TRAPPC6A: variants seen among roughly 807,000 people sequenced by gnomAD.
TRAPPC6A encodes TRAPP complex subunit 6A.
A neutral mutation model predicts 20.8 loss-of-function variants in TRAPPC6A; 25 were observed. The observed-to-expected ratio is 1.20, with a 90% CI of 0.88 to 1.68. The LOEUF (loss-of-function observed/expected upper bound fraction) is 1.68. Ranked by LOEUF, TRAPPC6A falls within the 40% of genes most tolerant of loss-of-function variation. TRAPPC6A has a pLI of 0.00. For synonymous variants in TRAPPC6A, 96 were observed against 93.3 expected (o/e 1.03, Z -0.16); for missense variants, 215 against 211.6 (o/e 1.02, Z -0.10).
At position 45,165,226 on chromosome 19, in the gene TRAPPC6A, C is replaced by G. The variant is rs749433341; in HGVS notation, c.85-32G>C. The G allele has an allele frequency of 5.7e-6, 9 of 1,570,380 alleles. No homozygotes were observed. The Admixed American group carries it at 1.7e-4, about 29-fold the overall frequency. ...GGCCAGGGGAGAGATGCTCAGGGGC[C>G]CTTAGCCACCACGAACCCGGGGCCA... On this transcript the variant is annotated intron_variant, in intron 1 of 5. Coordinates refer to ENST00000585934, the MANE Select transcript of TRAPPC6A (RefSeq NM_001270891.2).
At chr19:45,168,898 G>T (rs1052961656) in intron 1 of TRAPPC6A, among the ~76,000 whole-genome samples, 8 of 152,304 alleles carry the variant, frequency 5.3e-5, no homozygotes, top group Non-Finnish European at 8.8e-5. Context: ...ATGGCGGGGG[G>T]GCCTGAGCTG....
chr19:45,166,803 C>T (rs1969163290), intron 1 of TRAPPC6A, among the ~76,000 whole-genome samples: 2 of 152,152 alleles, frequency 1.3e-5, no homozygotes, highest in South Asian at 2.1e-4. Context: ...TTGGGAATGG[C>T]AGCTACCGCC....
chr19:45,164,155 C>A lies in TRAPPC6A; in HGVS notation c.354+9G>T. On this transcript the variant is annotated intron_variant, in intron 4 of 5. Transcript: ENST00000585934. ...GGAGGTGTGGACAAGGCCCCAGCTC[C>A]CCCCATACCTTGGGTGCTTCCTCCA... 6.3e-7 allele frequency: 1 copy of A among 1,598,568 alleles called. No individual in the cohort carries two copies. The highest frequency in any genetic ancestry group is 8.5e-7 in the Non-Finnish European group (1 of 1,172,930).
At chr19:45,176,320 C>T (rs1969373559) in intron 1 of TRAPPC6A, among the ~76,000 whole-genome samples, 2 of 151,600 alleles carry the variant, frequency 1.3e-5, no homozygotes, top group Non-Finnish European at 1.5e-5. Context: ...CAAAATTAGC[C>T]GGGTGTGGTG....
rs368881012 is a variant in TRAPPC6A at position 45,178,209 on chromosome 19, T to C, written c.10A>G (p.Thr4Ala). ...GTGTGAAGAAACTCAAACAACACAG[T>C]ATCCGCCATGCCCCCTCCTCGCACG... MAD[T>A]VLFEFLHTEM... Residue 4 changes from threonine (T) to alanine (A), a missense_variant, in exon 1 of 6, where the codon ACT becomes GCT. By Grantham distance (58) the Thr-to-Ala change is moderately conservative. Coordinates refer to ENST00000585934, the MANE Select transcript of TRAPPC6A (RefSeq NM_001270891.2). The C allele has an allele frequency of 1.9e-6, 3 of 1,605,290 alleles. No individual in the cohort carries two copies. The highest frequency in any genetic ancestry group is 1.3e-5 in the African/African-American group (1 of 74,712).
intron 4 of TRAPPC6A, 28 bp from the exon 5 acceptor site, chr19:45,164,037 G>A (rs1969080205): frequency 6.4e-7 from 1 of 1,560,594 alleles, no homozygotes; most frequent in Non-Finnish European, 8.7e-7. Flanking sequence ...ACCAGCATGG[G>A]AAGAGAGGGG....
rs58504789 is a variant in TRAPPC6A at position 45,173,234 on chromosome 19, C to G, written c.84+4901G>C. The stretch of plus-strand genomic sequence containing the variant: ...GCTGCTTCCTCCAAGGGCTTCTCCT[C>G]CTTAGAGAACAAAGGCCTTCCTGGC... On this transcript the variant is annotated intron_variant, in intron 1 of 5. Coordinates refer to ENST00000585934, the MANE Select transcript of TRAPPC6A (RefSeq NM_001270891.2). This position sits in a 1 kb window ranked among gnomAD's most constrained non-coding sequence, Gnocchi z 4.8. 0.015 allele frequency among the ~76,000 whole-genome samples: 2,213 copies of G among 151,926 alleles called. 66 individuals are homozygous for G. Among genetic ancestry groups the G allele is most frequent in the African/African-American group, 0.048 (1,998 of 41,332 alleles).
chr19:45,175,118 G>A lies in TRAPPC6A; in HGVS notation c.84+3017C>T, dbSNP rs186802350. ...CTACTAAAAATACAAAAAATTAGCCGGGCGTGGTGGCAGTCACCTGTAGTC... is the reference window on the plus strand; with the variant it reads ...CTACTAAAAATACAAAAAATTAGCCAGGCGTGGTGGCAGTCACCTGTAGTC... On this transcript the variant is annotated intron_variant, in intron 1 of 5. Transcript: ENST00000585934. Among the ~76,000 whole-genome samples, 99 of 152,174 alleles carry A rather than the reference G, an allele frequency of 6.5e-4. 1 individual carries two copies. The highest frequency in any genetic ancestry group is 2.3e-3 in the African/African-American group (94 of 41,524).
At position 45,170,492 on chromosome 19, in the gene TRAPPC6A, G is replaced by A. The variant is rs189252535; in HGVS notation, c.85-5298C>T. ...GGTCACAGCCAGGACGGCAGCCCCCGGAGGGGTGAGCTGGGGGAGAGAGTC... is the reference window on the plus strand; with the variant it reads ...GGTCACAGCCAGGACGGCAGCCCCCAGAGGGGTGAGCTGGGGGAGAGAGTC... On this transcript the variant is annotated intron_variant, in intron 1 of 5. Coordinates refer to ENST00000585934, the MANE Select transcript of TRAPPC6A (RefSeq NM_001270891.2). 6.0e-4 allele frequency among the ~76,000 whole-genome samples: 91 copies of A among 152,350 alleles called. No homozygotes were observed. In the East Asian group the frequency reaches 0.013, roughly 21 times the overall value.
Position 45,173,060 on chromosome 19 carries a change from C to T in TRAPPC6A, c.84+5075G>A, listed in dbSNP as rs57627123. ...CGGGGTGTGGTGGATGGAGGCCTGG[C>T]GCAGCAGGGCTATTCTCGGGGCGCC... On this transcript the variant is annotated intron_variant, in intron 1 of 5. Transcript: ENST00000585934. This position sits in a 1 kb window ranked among gnomAD's most constrained non-coding sequence, Gnocchi z 4.8. Among the ~76,000 whole-genome samples, 2,254 of 151,604 alleles carry T rather than the reference C, an allele frequency of 0.015. 143 individuals carry two copies. The highest frequency in any genetic ancestry group is 0.05 in the African/African-American group (2,033 of 40,922).
Position 45,173,025 on chromosome 19 carries a change from A to G in TRAPPC6A, c.84+5110T>C, listed in dbSNP as rs1445776060. Among the ~76,000 whole-genome samples the G allele has an allele frequency of 1.3e-5, 2 of 150,802 alleles. No homozygotes were observed. Among genetic ancestry groups the G allele is most frequent in the Admixed American group, 6.6e-5 (1 of 15,214 alleles). ...CCCTCCTCAGATAAGGGGCTGCCCA[A>G]GTGCACTCTCGGGGTGTGGTGGATG... On this transcript the variant is annotated intron_variant, in intron 1 of 5. Coordinates refer to ENST00000585934, the MANE Select transcript of TRAPPC6A (RefSeq NM_001270891.2). The surrounding 1 kb of genome is among the most constrained non-coding windows in gnomAD (Gnocchi z 4.8).
intron 1 of TRAPPC6A, among the ~76,000 whole-genome samples, chr19:45,167,209 T>TGCATCAACAAAGGACACC (rs1969175204): frequency 6.6e-6 from 1 of 152,128 alleles, no homozygotes; most frequent in South Asian, 2.1e-4. Flanking sequence ...TGAGACAACG[T>TGCATCAACAAAGGACACC]GCATCAACAA....
At position 45,178,206 on chromosome 19, in the gene TRAPPC6A, C is replaced by T. The variant is rs759219169; in HGVS notation, c.13G>A (p.Val5Met). 2 of 1,605,540 alleles carry T rather than the reference C, an allele frequency of 1.2e-6. No homozygotes were observed. Among genetic ancestry groups the T allele is most frequent in the Non-Finnish European group, 1.7e-6 (2 of 1,173,860 alleles). Residue 5 changes from valine (V) to methionine (M), a missense_variant, in exon 1 of 6, where the codon GTG (valine) becomes ATG (methionine). Physicochemically the swap from Val to Met is conservative, Grantham distance 21. Transcript: ENST00000585934. Reference sequence around the variant, plus strand: ...TCCGTGTGAAGAAACTCAAACAACACAGTATCCGCCATGCCCCCTCCTCGC... The same window carrying T: ...TCCGTGTGAAGAAACTCAAACAACATAGTATCCGCCATGCCCCCTCCTCGC... MADTVLFEFLHTEMV... is the reference protein window; with the variant it reads MADTMLFEFLHTEMV...
At chr19:45,167,465 G>A (rs565544219) in intron 1 of TRAPPC6A, among the ~76,000 whole-genome samples, 1 of 152,246 alleles carries the variant, frequency 6.6e-6, no homozygotes, top group Non-Finnish European at 1.5e-5. Context: ...TAGGCCGGGC[G>A]CAGTGGCTCA....
chr19:45,167,904 A>C (rs971439748), intron 1 of TRAPPC6A, among the ~76,000 whole-genome samples: 13 of 151,894 alleles, frequency 8.6e-5, no homozygotes, highest in Admixed American at 7.2e-4. Flanking sequence ...AAGCTGAGGC[A>C]GGAGGATCAT....
At chr19:45,175,038 G>C (rs957274942) in intron 1 of TRAPPC6A, among the ~76,000 whole-genome samples, 1 of 151,780 alleles carries the variant, frequency 6.6e-6, no homozygotes, top group African/African-American at 2.4e-5. Flanking sequence ...AAGGCAGGCA[G>C]ATCACAAGGT....
At chr19:45,175,446 A>G (rs1969350498) in intron 1 of TRAPPC6A, among the ~76,000 whole-genome samples, 2 of 152,074 alleles carry the variant, frequency 1.3e-5, no homozygotes, top group South Asian at 4.1e-4. Context: ...AAAAAAATCA[A>G]ATACATCCTT....
rs1419718545 is a variant in TRAPPC6A, at chr19:45,163,927, G to A, written c.437C>T (p.Ala146Val). Residue 146 changes from alanine to valine, a missense_variant, in exon 5 of 6, where the codon GCC becomes GTC. By Grantham distance (64) the Ala-to-Val change is moderately conservative (BLOSUM62 0). Coordinates refer to ENST00000585934, the MANE Select transcript of TRAPPC6A (RefSeq NM_001270891.2). The surrounding 1 kb of genome is among the most constrained non-coding windows in gnomAD (Gnocchi z 5.3). ...CCCCCATGACTCACAGACGGGCAGG[G>A]CTGCCACGGAGGCGGTGACCACGCT... is the stretch of plus-strand genomic sequence containing the variant. ...IESVVTASVA[A>V]LPVCKFQVVI... is the part of the protein sequence containing the mutation. 1 of 1,578,448 alleles carries A rather than the reference G, an allele frequency of 6.3e-7. No individual in the cohort carries two copies. The highest frequency in any genetic ancestry group is 1.2e-5 in the South Asian group (1 of 85,900).
In TRAPPC6A at chr19:45,163,370, C is replaced by T; in HGVS notation, c.449-147G>A. 1.2e-6 allele frequency: 1 copy of T among 839,426 alleles called. No homozygotes were observed. The highest frequency in any genetic ancestry group is 2.5e-5 in the Admixed American group (1 of 40,426). 52.0% of individuals were successfully genotyped at this position (839,426 alleles called of 1,614,324 possible). On this transcript the variant is annotated intron_variant, in intron 5 of 5. Transcript: ENST00000585934. The surrounding 1 kb of genome is among the most constrained non-coding windows in gnomAD (Gnocchi z 5.3). ...TCCTCCCGCCCACGGGGCCGCATCCCTGAGCTGTGTGAGTAACCAGGAGCA... is the reference window on the plus strand; with the variant it reads ...TCCTCCCGCCCACGGGGCCGCATCCTTGAGCTGTGTGAGTAACCAGGAGCA...
Sources: allele counts gnomAD v4.1 joint callset (sites outside exome capture counted in the v4.1 genomes callset), GRCh38; gene constraint gnomAD v4.1.1; non-coding constraint Gnocchi (gnomAD v3.1); transcripts MANE v1.5; gene names NCBI Gene and HGNC (gene_info 2026-07-23, HGNC 2026-07-21).